ANGPT1: variants seen among roughly 807,000 people sequenced by gnomAD.
ANGPT1 encodes angiopoietin-1.
A neutral mutation model predicts 62.2 loss-of-function variants in ANGPT1; 17 were observed. The observed-to-expected ratio is 0.27, with a 90% CI of 0.19 to 0.41. The LOEUF is 0.41. Among genes scored for constraint, ANGPT1 ranks in the 10% least tolerant of loss-of-function variants. The pLI, the probability that ANGPT1 is intolerant of heterozygous loss-of-function variation, is 1.00. For missense variants in ANGPT1, 478 were observed against 594.9 expected, an observed-to-expected ratio of 0.80 and a Z score of 2.04; for synonymous variants, 199 against 198.9, an observed-to-expected ratio of 1.00 and a Z score of 0.00.
At position 107,398,721 on chromosome 8, in the gene ANGPT1, A is replaced by C. The variant is rs1263654870; in HGVS notation, c.298-51624T>G. On this transcript the variant is annotated intron_variant, in intron 1 of 8. Coordinates refer to ENST00000517746, the MANE Select transcript of ANGPT1 (RefSeq NM_001146.5). ...AATACATTCATGTGCTATTACAAAA[A>C]CCAACATCATTTCTTATTATGTTTT... 2.6e-5 allele frequency among the ~76,000 whole-genome samples: 4 copies of C among 152,086 alleles called. 1 individual carries two copies. Among genetic ancestry groups the C allele is most frequent in the Admixed American group, 1.3e-4 (2 of 15,258 alleles).
At chr8:107,299,107 C>T (rs1814490385) in intron 5 of ANGPT1, among the ~76,000 whole-genome samples, 2 of 151,302 alleles carry the variant, frequency 1.3e-5, no homozygotes, top group African/African-American at 2.4e-5. Flanking sequence ...AAAAATAAAC[C>T]CTTGCCTGTG....
At chr8:107,272,992 T>A (rs558213229) in intron 7 of ANGPT1, among the ~76,000 whole-genome samples, 1 of 151,898 alleles carries the variant, frequency 6.6e-6, no homozygotes, top group Non-Finnish European at 1.5e-5. Flanking sequence ...CTTGGCATCA[T>A]GTGTGACTGA....
At chr8:107,279,749 A>G (rs1309024025) in intron 7 of ANGPT1, among the ~76,000 whole-genome samples, 1 of 128,798 alleles carries the variant, frequency 7.8e-6, no homozygotes, top group African/African-American at 3.0e-5. Context: ...ACACGTGTAC[A>G]CACACACACA....
At chr8:107,323,148 C>A (rs1815195614) in intron 3 of ANGPT1, among the ~76,000 whole-genome samples, 1 of 152,136 alleles carries the variant, frequency 6.6e-6, no homozygotes, top group Admixed American at 6.5e-5. Flanking sequence ...ATAGGATATT[C>A]CCCTTGTATA....
At chr8:107,374,449 A>G (rs1183690365) in intron 1 of ANGPT1, among the ~76,000 whole-genome samples, 1 of 152,254 alleles carries the variant, frequency 6.6e-6, no homozygotes, top group Non-Finnish European at 1.5e-5. Flanking sequence ...GCAGGAGGTC[A>G]TCACAGAGTC....
At chr8:107,379,200 T>C (rs1816588247) in intron 1 of ANGPT1, among the ~76,000 whole-genome samples, 1 of 152,050 alleles carries the variant, frequency 6.6e-6, no homozygotes, top group South Asian at 2.1e-4. Context: ...TATTAGTTGG[T>C]TTTGTTACTG....
At chr8:107,405,729 T>A (rs1158477338) in intron 1 of ANGPT1, among the ~76,000 whole-genome samples, 1 of 151,938 alleles carries the variant, frequency 6.6e-6, no homozygotes, top group Non-Finnish European at 1.5e-5. Context: ...CAACTTGTAA[T>A]TAGTCTTCAC....
chr8:107,305,152 T>A (rs897572135), intron 4 of ANGPT1, among the ~76,000 whole-genome samples: 3 of 151,986 alleles, frequency 2.0e-5, no homozygotes, highest in African/African-American at 7.2e-5. Context: ...GGATCCTTTA[T>A]TCTGTTGGAA....
chr8:107,278,025 T>A (rs576759297), intron 7 of ANGPT1, among the ~76,000 whole-genome samples: 88 of 152,216 alleles, frequency 5.8e-4, no homozygotes, highest in Non-Finnish European at 8.8e-4. Context: ...AATAATATAT[T>A]TCTTGGGCAT....
rs1228104135 is a variant in ANGPT1 at position 107,466,941 on chromosome 8, C to T, written c.297+30321G>A. On this transcript the variant is annotated intron_variant, in intron 1 of 8. Transcript: ENST00000517746. ...ATTATAATCGAGAAATATACAAATT[C>T]AATCCCTTACTCTCCTGCTCCACCA... Among the ~76,000 whole-genome samples, 3 of 152,046 alleles carry T rather than the reference C, an allele frequency of 2.0e-5. No individual in the cohort carries two copies. In the East Asian group the frequency reaches 5.8e-4, roughly 30 times the overall value.
rs150469852 is a variant in ANGPT1, at chr8:107,376,257, C to T, written c.298-29160G>A. Reference sequence around the variant, plus strand: ...AATTTTAAATTCATAACTCTTGCCACAAGTTGCTCGCCATGTGGTTGAAAT... The same window carrying T: ...AATTTTAAATTCATAACTCTTGCCATAAGTTGCTCGCCATGTGGTTGAAAT... On this transcript the variant is annotated intron_variant, in intron 1 of 8. Transcript: ENST00000517746. Among the ~76,000 whole-genome samples the T allele has an allele frequency of 6.7e-3, 1,023 of 152,232 alleles. 11 individuals carry two copies. In the Middle Eastern group the frequency reaches 0.068, roughly 10 times the overall value.
chr8:107,267,774 T>TC (rs1813648289), intron 7 of ANGPT1, among the ~76,000 whole-genome samples: 1 of 152,124 alleles, frequency 6.6e-6, no homozygotes, highest in South Asian at 2.1e-4. Context: ...GTCTACTTTT[T>TC]CCCATGTCTC....
chr8:107,340,783 C>T (rs898133904), intron 2 of ANGPT1, among the ~76,000 whole-genome samples: 14 of 151,860 alleles, frequency 9.2e-5, no homozygotes, highest in African/African-American at 3.4e-4. Flanking sequence ...TGTGAGCCAG[C>T]GTGCCTGGCC....
chr8:107,294,157 T>C, intron 5 of ANGPT1, 120 bp from the exon 6 acceptor site: 1 of 607,746 alleles, frequency 1.6e-6, no homozygotes, highest in Non-Finnish European at 2.8e-6. Context: ...CCGAAATTAC[T>C]ATATTGAACA....
intron 7 of ANGPT1, among the ~76,000 whole-genome samples, chr8:107,280,475 A>C (rs1813978588): frequency 6.6e-6 from 1 of 152,196 alleles, no homozygotes; most frequent in African/African-American, 2.4e-5. Flanking sequence ...TGAAGGAGGC[A>C]ATGGGTTGAC....
At chr8:107,401,963 A>C (rs1817055553) in intron 1 of ANGPT1, among the ~76,000 whole-genome samples, 1 of 152,208 alleles carries the variant, frequency 6.6e-6, no homozygotes, top group South Asian at 2.1e-4. Flanking sequence ...ATAAAATAAT[A>C]GTCAGACAAT....
chr8:107,252,502 T>C (rs1293908236), intron 8 of ANGPT1, among the ~76,000 whole-genome samples: 11 of 152,340 alleles, frequency 7.2e-5, no homozygotes, highest in Admixed American at 7.2e-4. Flanking sequence ...CTACTGCATA[T>C]GTTTGTCAAT....
intron 1 of ANGPT1, among the ~76,000 whole-genome samples, chr8:107,400,069 C>T (rs1265280034): frequency 6.6e-6 from 1 of 152,100 alleles, no homozygotes; most frequent in Non-Finnish European, 1.5e-5. Context: ...TTATTAAATA[C>T]AAACCAATTC....
intron 1 of ANGPT1, among the ~76,000 whole-genome samples, chr8:107,440,480 G>T (rs536712924): frequency 2.2e-4 from 33 of 152,232 alleles, no homozygotes; most frequent in Admixed American, 7.2e-4. Flanking sequence ...CATTCATTCA[G>T]TAAATACAAA....
Sources: allele counts gnomAD v4.1 joint callset (sites outside exome capture counted in the v4.1 genomes callset), GRCh38; gene constraint gnomAD v4.1.1; transcripts MANE v1.5; gene names NCBI Gene and HGNC (gene_info 2026-07-23, HGNC 2026-07-21).